SLC19A3: variants seen among roughly 807,000 people sequenced by gnomAD.
The protein encoded by SLC19A3 is solute carrier family 19 member 3.
In SLC19A3, 31 loss-of-function variants were observed where a neutral mutation model predicts 40.2. That is an observed-to-expected ratio of 0.77 (90% CI 0.58 to 1.04). SLC19A3 has a LOEUF of 1.04. Among genes scored for constraint, SLC19A3 ranks in the 50% least tolerant of loss-of-function variants. SLC19A3 has a pLI of 0.00. For missense variants in SLC19A3, 592 were observed against 596.7 expected (o/e 0.99, Z 0.08); for synonymous variants, 212 against 227.5 (o/e 0.93, Z 0.61).
Position 227,699,163 on chromosome 2 carries a change from G to A in SLC19A3, c.552C>T (p.Phe184=). The change falls in exon 3 of 6, where the codon TTC becomes TTT. Residue 184 remains phenylalanine, a synonymous_variant. Coordinates refer to ENST00000644224, the MANE Select transcript of SLC19A3 (RefSeq NM_025243.4). ...VISLASVSVA[F]LFSLFLPMPK... ...GCATTGGTAGGAAAAGTGAGAAAAG[G>A]AAAGCCACGGAGACAGAGGCCAAGG... 1 of 1,614,170 alleles carries A rather than the reference G, an allele frequency of 6.2e-7. No individual in the cohort carries two copies. Among genetic ancestry groups the A allele is most frequent in the Non-Finnish European group, 8.5e-7 (1 of 1,180,036 alleles).
rs1694979016 is a variant in SLC19A3 at position 227,685,376 on chromosome 2, A to G, written c.*2021T>C. ...GAGAAAGAGAGAGTGGGGAGGTGCTACACACTTTTAAACTACCAGATCTCA... is the reference window on the plus strand; with the variant it reads ...GAGAAAGAGAGAGTGGGGAGGTGCTGCACACTTTTAAACTACCAGATCTCA... On this transcript the variant is annotated 3_prime_UTR_variant, in exon 6 of 6. Transcript: ENST00000644224. The G allele has an allele frequency of 6.6e-6, 1 of 152,290 alleles. No individual in the cohort carries two copies. The highest frequency in any genetic ancestry group is 1.5e-5 in the Non-Finnish European group (1 of 68,148). 9.4% of individuals were successfully genotyped at this position (152,290 alleles called of 1,614,324 possible).
intron 1 of SLC19A3, among the ~76,000 whole-genome samples, chr2:227,715,266 AAT>A (rs1490340209): frequency 6.6e-6 from 1 of 152,140 alleles, no homozygotes; most frequent in Non-Finnish European, 1.5e-5. Flanking sequence ...CCCAAAAAAA[AAT>A]CTTTGCTGAA....
chr2:227,692,345 A>G (rs1695263689), intron 4 of SLC19A3, among the ~76,000 whole-genome samples: 1 of 152,244 alleles, frequency 6.6e-6, no homozygotes, highest in Non-Finnish European at 1.5e-5. Flanking sequence ...CATTAGAAAG[A>G]TAATCTATCA....
chr2:227,687,711 C>A, intron 5 of SLC19A3, 138 bp from the exon 6 acceptor site: 1 of 772,948 alleles, frequency 1.3e-6, no homozygotes, highest in East Asian at 2.7e-5. Flanking sequence ...TTAGGTTGAA[C>A]AATACTCTCC....
At chr2:227,697,210 T>G (rs1245435162) in intron 3 of SLC19A3, among the ~76,000 whole-genome samples, 2 of 152,164 alleles carry the variant, frequency 1.3e-5, no homozygotes, top group African/African-American at 2.4e-5. Flanking sequence ...AGCAATAATT[T>G]CAGTGAAGCA....
chr2:227,694,661 C>T (rs944725764), intron 4 of SLC19A3, among the ~76,000 whole-genome samples: 10 of 152,024 alleles, frequency 6.6e-5, no homozygotes, highest in Non-Finnish European at 1.0e-4. Flanking sequence ...TATATGAAAC[C>T]GAATGGTTTT....
At chr2:227,706,295 T>C in intron 1 of SLC19A3, 1 of 1,231,586 alleles carries the variant, frequency 8.1e-7, no homozygotes, top group African/African-American at 1.5e-5. Context: ...ATGAATTGAC[T>C]TGATTTTCTG....
chr2:227,688,978 T>G (rs1164989054), intron 4 of SLC19A3, among the ~76,000 whole-genome samples: 5 of 152,022 alleles, frequency 3.3e-5, no homozygotes, highest in Non-Finnish European at 7.4e-5. Context: ...AAAATGCAAT[T>G]GACATACTGA....
chr2:227,711,997 C>T (rs1696154620), intron 1 of SLC19A3, among the ~76,000 whole-genome samples: 1 of 140,818 alleles, frequency 7.1e-6, no homozygotes, highest in African/African-American at 2.7e-5. Flanking sequence ...TTGTAGTGAG[C>T]CGAGATCCCG....
At chr2:227,689,563 A>G (rs1415035298) in intron 4 of SLC19A3, among the ~76,000 whole-genome samples, 3 of 152,236 alleles carry the variant, frequency 2.0e-5, no homozygotes, top group Non-Finnish European at 4.4e-5. Flanking sequence ...ATAGAAGCTG[A>G]GGGATTTCAT....
At chr2:227,688,580 G>A (rs1035213055) in intron 4 of SLC19A3, among the ~76,000 whole-genome samples, 1 of 152,162 alleles carries the variant, frequency 6.6e-6, no homozygotes, top group Non-Finnish European at 1.5e-5. Flanking sequence ...TGGGCTTGGG[G>A]TGCTCCCTAA....
At position 227,688,209 on chromosome 2, in the gene SLC19A3, A is replaced by G. The variant is rs752393233; in HGVS notation, c.1271T>C (p.Ile424Thr). The G allele has an allele frequency of 4.3e-6, 7 of 1,614,018 alleles. No individual in the cohort carries two copies. In the South Asian group the frequency reaches 5.5e-5, roughly 13 times the overall value. ...ALVIQTIMTV[I>T]VVDQRGLNLP... ...GTTGAGCCCTCTCTGATCTACTACA[A>G]TCACAGTCATGATGGTCTGAATCAC... is the stretch of plus-strand genomic sequence containing the variant. The change falls in exon 5 of 6, where the codon ATT (isoleucine) becomes ACT (threonine). Residue 424 changes from isoleucine to threonine, a missense_variant. By Grantham distance (89) the Ile-to-Thr change is moderately conservative (BLOSUM62 -1). Coordinates refer to ENST00000644224, the MANE Select transcript of SLC19A3 (RefSeq NM_025243.4).
intron 4 of SLC19A3, among the ~76,000 whole-genome samples, chr2:227,692,402 T>C (rs867884104): frequency 9.9e-5 from 15 of 152,244 alleles, no homozygotes; most frequent in African/African-American, 3.4e-4. Context: ...ATTTAACATA[T>C]GTAAATCAAT....
rs34163746 is a variant in SLC19A3 at position 227,690,706 on chromosome 2, C to CAAAAAAAAA, written c.1173-2408_1173-2400dup. 2.6e-4 allele frequency among the ~76,000 whole-genome samples: 10 copies of CAAAAAAAAA among 39,166 alleles called. 1 individual carries two copies. Among genetic ancestry groups the CAAAAAAAAA allele is most frequent in the African/African-American group, 7.6e-4 (8 of 10,492 alleles). The allele number at this position is 39,166 out of a possible 152,430, so 25.7% of individuals were successfully genotyped here. A position where few individuals can be genotyped will look rare whatever the true frequency, so the allele number is the denominator to read the frequency against. On this transcript the variant is annotated intron_variant, in intron 4 of 5. Transcript: ENST00000644224. ...TGGGTGACAGACCGAGACTCCATCT[C>CAAAAAAAAA]AAAAAAAAAAAAAAAAAAAAAAAAA...
chr2:227,702,489 G>C, intron 1 of SLC19A3, 169 bp from the exon 2 acceptor site: 1 of 636,368 alleles, frequency 1.6e-6, no homozygotes, highest in South Asian at 1.9e-5. Flanking sequence ...TGCCTCCCGG[G>C]CTCAAGCCAT....
At chr2:227,695,748 A>T in intron 4 of SLC19A3, 141 bp downstream of exon 4, 1 of 798,268 alleles carries the variant, frequency 1.3e-6, no homozygotes, top group Non-Finnish European at 2.1e-6. Context: ...AAGTTGGCTT[A>T]GTTGTGTCTA....
At chr2:227,696,800 G>A (rs949485850) in intron 3 of SLC19A3, among the ~76,000 whole-genome samples, 25 of 152,098 alleles carry the variant, frequency 1.6e-4, no homozygotes, top group Non-Finnish European at 2.8e-4. Flanking sequence ...GGACAGTGGC[G>A]CACTCCTGTA....
In SLC19A3 at chr2:227,699,109, T is replaced by G. The variant is rs750288573; in HGVS notation, c.606A>C (p.Lys202Asn). The change falls in exon 3 of 6, where the codon AAA (lysine) becomes AAC (asparagine). Residue 202 changes from lysine (K) to asparagine (N), a missense_variant. Physicochemically the swap from Lys to Asn is moderately conservative, Grantham distance 94 (BLOSUM62 0). Transcript: ENST00000644224. ...ATGACTTCTTTATTTCTCTGCTGGG[T>G]TTTGCATGAAAAAACATGCTTTTCT... ...MPKKSMFFHA[K>N]PSREIKKSSS... 2 of 1,614,162 alleles carry G rather than the reference T, an allele frequency of 1.2e-6. No individual in the cohort carries two copies. Among genetic ancestry groups the G allele is most frequent in the South Asian group, 1.1e-5 (1 of 91,080 alleles).
chr2:227,702,753 C>T (rs1041810245), intron 1 of SLC19A3: 7 of 189,280 alleles, frequency 3.7e-5, no homozygotes, highest in South Asian at 1.1e-4. Context: ...TTGAAAACAT[C>T]TTGCTATCTC....
Sources: allele counts gnomAD v4.1 joint callset (sites outside exome capture counted in the v4.1 genomes callset), GRCh38; gene constraint gnomAD v4.1.1; transcripts MANE v1.5; gene names NCBI Gene and HGNC (gene_info 2026-07-23, HGNC 2026-07-21).